Variants in BRINP3 observed in about 807,000 individuals in gnomAD.
BRINP3 encodes BMP/retinoic acid-inducible neural-specific protein 3.
Under a neutral mutation model 71.0 loss-of-function variants are expected in BRINP3, and 19 were observed. The observed-to-expected ratio is 0.27, with a 90% confidence interval of 0.19 to 0.39. The LOEUF (loss-of-function observed/expected upper bound fraction) is 0.39, where lower values mean the gene tolerates loss of function less well. Ranked by LOEUF, BRINP3 falls within the 10% of genes least tolerant of loss-of-function variation. BRINP3 has a pLI of 1.00. For synonymous variants in BRINP3, 380 were observed against 337.7 expected, an observed-to-expected ratio of 1.13 and a Z score of -1.37; for missense variants, 959 against 940.8, an observed-to-expected ratio of 1.02 and a Z score of -0.25.
At chr1:190,334,639 A>T (rs1667172332) in intron 2 of BRINP3, among the ~76,000 whole-genome samples, 1 of 151,872 alleles carries the variant, frequency 6.6e-6, no homozygotes, top group South Asian at 2.1e-4. Flanking sequence ...GAGCACAATT[A>T]GTTTCTAAGG....
chr1:190,306,399 G>T (rs923608827), intron 2 of BRINP3, among the ~76,000 whole-genome samples: 1 of 151,736 alleles, frequency 6.6e-6, no homozygotes, highest in African/African-American at 2.4e-5. Context: ...TAAGAGTAGG[G>T]TGTCCAAGGG....
chr1:190,202,341 A>G (rs1655078832), intron 6 of BRINP3, among the ~76,000 whole-genome samples: 1 of 152,088 alleles, frequency 6.6e-6, no homozygotes, highest in African/African-American at 2.4e-5. Context: ...CTGTACCCCC[A>G]TTGTATCTAG....
intron 2 of BRINP3, among the ~76,000 whole-genome samples, chr1:190,371,617 AG>A (rs1416290090): frequency 6.6e-6 from 1 of 152,172 alleles, no homozygotes; most frequent in East Asian, 1.9e-4. Flanking sequence ...TGACGGCTAC[AG>A]GGGTATTCTT....
intron 2 of BRINP3, among the ~76,000 whole-genome samples, chr1:190,315,925 T>C (rs775841549): frequency 6.6e-6 from 1 of 152,058 alleles, no homozygotes; most frequent in Non-Finnish European, 1.5e-5. Context: ...TTGTTAGAAG[T>C]AGATTTGTGA....
chr1:190,257,736 C>G (rs1660795726), intron 4 of BRINP3, among the ~76,000 whole-genome samples: 1 of 152,174 alleles, frequency 6.6e-6, no homozygotes, highest in African/African-American at 2.4e-5. Flanking sequence ...AGTCAGATCC[C>G]TCAGCTGCAG....
intron 2 of BRINP3, among the ~76,000 whole-genome samples, chr1:190,406,254 A>T (rs1324779315): frequency 6.6e-6 from 1 of 152,228 alleles, no homozygotes; most frequent in Non-Finnish European, 1.5e-5. Flanking sequence ...TCTTAGACAC[A>T]ATACTCCACT....
chr1:190,370,645 G>A (rs1393355117), intron 2 of BRINP3, among the ~76,000 whole-genome samples: 1 of 152,224 alleles, frequency 6.6e-6, no homozygotes, highest in Non-Finnish European at 1.5e-5. Context: ...GGCGGCAGTG[G>A]GAGAGGCTGG....
chr1:190,256,407 A>C (rs1364674584), intron 4 of BRINP3, among the ~76,000 whole-genome samples: 2 of 152,148 alleles, frequency 1.3e-5, no homozygotes, highest in Non-Finnish European at 2.9e-5. Flanking sequence ...GGTCTCCTGA[A>C]TACAGCACAC....
chr1:190,127,195 G>A (rs1654155026), intron 7 of BRINP3, among the ~76,000 whole-genome samples: 1 of 151,362 alleles, frequency 6.6e-6, no homozygotes, highest in Admixed American at 6.6e-5. Flanking sequence ...TTTTATTTCT[G>A]AACTAAAGAG....
intron 7 of BRINP3, among the ~76,000 whole-genome samples, chr1:190,102,475 C>T (rs748716150): frequency 1.8e-4 from 28 of 152,244 alleles, no homozygotes; most frequent in Admixed American, 3.3e-4. Context: ...ACACTATTTA[C>T]GGTCTACTTG....
intron 2 of BRINP3, among the ~76,000 whole-genome samples, chr1:190,370,696 G>A (rs917270758): frequency 2.0e-5 from 3 of 152,182 alleles, no homozygotes; most frequent in African/African-American, 7.2e-5. Context: ...CGAAGCCTGT[G>A]CCTCCTGCCA....
At chr1:190,320,658 T>C (rs1432925067) in intron 2 of BRINP3, among the ~76,000 whole-genome samples, 1 of 151,836 alleles carries the variant, frequency 6.6e-6, no homozygotes, top group Non-Finnish European at 1.5e-5. Context: ...TCACAGGTCA[T>C]AGTCACTCCC....
chr1:190,416,504 T>C (rs1673011632), intron 2 of BRINP3, among the ~76,000 whole-genome samples: 1 of 152,146 alleles, frequency 6.6e-6, no homozygotes, highest in Admixed American at 6.5e-5. Flanking sequence ...GCGGTTAAAC[T>C]ACACTTCAAA....
chr1:190,327,431 A>G (rs1571758296), intron 2 of BRINP3, among the ~76,000 whole-genome samples: 1 of 145,746 alleles, frequency 6.9e-6, no homozygotes, highest in East Asian at 2.0e-4. Context: ...CACACATAAT[A>G]ACAACCATAG....
intron 2 of BRINP3, among the ~76,000 whole-genome samples, chr1:190,357,197 T>C (rs1668788416): frequency 6.6e-6 from 1 of 151,970 alleles, no homozygotes; most frequent in Non-Finnish European, 1.5e-5. Context: ...GTTGCAATAA[T>C]AAAAGGAAAA....
At chr1:190,424,692 T>C (rs1219846442) in intron 2 of BRINP3, among the ~76,000 whole-genome samples, 1 of 151,694 alleles carries the variant, frequency 6.6e-6, no homozygotes, top group Non-Finnish European at 1.5e-5. Context: ...ATTTTTGTAA[T>C]AACTGAGAAT....
At chr1:190,188,949 T>TG (rs917734633) in intron 6 of BRINP3, among the ~76,000 whole-genome samples, 11 of 151,836 alleles carry the variant, frequency 7.2e-5, no homozygotes, top group Non-Finnish European at 1.2e-4. Context: ...TTAGTGGAGA[T>TG]GGGGGTCTCA....
intron 4 of BRINP3, among the ~76,000 whole-genome samples, chr1:190,257,308 A>C (rs1660753736): frequency 6.6e-6 from 1 of 152,080 alleles, no homozygotes; most frequent in African/African-American, 2.4e-5. Flanking sequence ...TGTGTCATGT[A>C]GTTCTCGTGC....
At chr1:190,170,362 C>A (rs1047886809) in intron 6 of BRINP3, among the ~76,000 whole-genome samples, 2 of 151,970 alleles carry the variant, frequency 1.3e-5, no homozygotes, top group Non-Finnish European at 2.9e-5. Context: ...CTTTCCAAAG[C>A]CCTAAGACAG....
Sources: gnomAD v4.1 joint callset for allele counts (sites outside exome capture counted in the v4.1 genomes callset) on GRCh38, gnomAD v4.1.1 for gene constraint, MANE v1.5 for transcripts, NCBI Gene and HGNC (gene_info 2026-07-23, HGNC 2026-07-21) for gene names.